Variants in ORC2 observed in about 807,000 individuals in gnomAD.
ORC2 encodes origin recognition complex protein 2 homolog.
ORC2 carries 37 observed loss-of-function variants against 77.7 expected under a neutral mutation model. The observed-to-expected ratio is 0.48, with a 90% confidence interval of 0.37 to 0.63. ORC2 has a LOEUF of 0.63. Ranked by LOEUF, ORC2 falls within the 20% of genes least tolerant of loss-of-function variation. The probability of loss-of-function intolerance (pLI) is 0.00; values close to 1 mark genes in which losing one functional copy is unlikely to be tolerated. For missense variants in ORC2, 557 were observed against 661.9 expected (o/e 0.84, Z 1.74); for synonymous variants, 201 against 229.5 (o/e 0.88, Z 1.12).
At chr2:200,950,577 C>T (rs555454133) in intron 4 of ORC2, among the ~76,000 whole-genome samples, 6 of 152,134 alleles carry the variant, frequency 3.9e-5, no homozygotes, top group African/African-American at 9.6e-5. Context: ...ATGCCAGAGA[C>T]GACATGATGT....
At chr2:200,963,077 C>G (rs1314168801) in intron 1 of ORC2, 1 of 171,802 alleles carries the variant, frequency 5.8e-6, no homozygotes, top group Non-Finnish European at 1.2e-5. Flanking sequence ...ACTGTCGTTA[C>G]ACATCTTCAC....
intron 6 of ORC2, 145 bp from the exon 7 acceptor site, chr2:200,941,424 T>C: frequency 1.7e-6 from 1 of 587,686 alleles, no homozygotes; most frequent in Non-Finnish European, 3.0e-6. Context: ...GGAAGATTGC[T>C]TGAGGCCAGG....
intron 10 of ORC2, among the ~76,000 whole-genome samples, chr2:200,932,443 G>A (rs903538486): frequency 1.3e-5 from 2 of 149,652 alleles, no homozygotes; most frequent in Non-Finnish European, 3.0e-5. Flanking sequence ...AGGTTCAAGC[G>A]ATTCTCCTGC....
chr2:200,960,432 A>G (rs2041552094), intron 1 of ORC2, among the ~76,000 whole-genome samples: 1 of 152,174 alleles, frequency 6.6e-6, no homozygotes, highest in East Asian at 1.9e-4. Flanking sequence ...CTCTTGGGCC[A>G]TTTTTCTAGT....
intron 15 of ORC2, among the ~76,000 whole-genome samples, chr2:200,914,874 C>G (rs1017995519): frequency 2.0e-5 from 3 of 152,108 alleles, no homozygotes; most frequent in Non-Finnish European, 4.4e-5. Flanking sequence ...GTGTTGAGAT[C>G]ATACTGGGTA....
Position 200,913,359 on chromosome 2 carries a change from C to G in ORC2, c.1583G>C (p.Ser528Thr). The change falls in exon 17 of 18, where the codon AGT (serine) becomes ACT (threonine). Residue 528 changes from serine (S) to threonine (T), a missense_variant. Ser to Thr is a moderately conservative substitution (Grantham distance 58, BLOSUM62 1). Transcript: ENST00000234296. ...QQCREAFLVN[S>T]DLTLRAQLTE... is the part of the protein sequence containing the mutation. ...TAACTGGGCCCGGAGTGTCAGATCA[C>G]TATTGACGAGGAATGCCTCCCGACA... 1 of 1,601,280 alleles carries G rather than the reference C, an allele frequency of 6.2e-7. No individual in the cohort carries two copies. The highest frequency in any genetic ancestry group is 1.1e-5 in the South Asian group (1 of 90,952).
Position 200,919,895 on chromosome 2 carries a change from A to G in ORC2, c.1466+327T>C, listed in dbSNP as rs572311518. ...ATAAAGTACTCACTGTTTGGATCAG[A>G]ATGTTCAATATGTAATGAAAAATAA... is the stretch of plus-strand genomic sequence containing the variant. On this transcript the variant is annotated intron_variant, in intron 15 of 17. Coordinates refer to ENST00000234296, the MANE Select transcript of ORC2 (RefSeq NM_006190.5). 1.8e-4 allele frequency among the ~76,000 whole-genome samples: 28 copies of G among 152,354 alleles called. No homozygotes were observed. In the South Asian group the frequency reaches 5.4e-3, roughly 29 times the overall value.
rs1250679185 is a variant in ORC2 at position 200,909,254 on chromosome 2, TAAG to T, written c.*2044_*2046del. On this transcript the variant is annotated 3_prime_UTR_variant, in exon 18 of 18. Transcript: ENST00000234296. ...CATAGACGATATCTGGAAGAATACT[TAAG>T]AAAATGCTATCAGTGGTTGCCTAAA... is the stretch of plus-strand genomic sequence containing the variant. 4 of 152,168 alleles carry T rather than the reference TAAG, an allele frequency of 2.6e-5. No homozygotes were observed. Among genetic ancestry groups the T allele is most frequent in the Admixed American group, 2.0e-4 (3 of 15,274 alleles). 9.4% of individuals were successfully genotyped at this position (152,168 alleles called of 1,614,324 possible). A position where few individuals can be genotyped will look rare whatever the true frequency, so the allele number is the denominator to read the frequency against.
chr2:200,949,342 C>A (rs1315967815), intron 5 of ORC2, among the ~76,000 whole-genome samples: 2 of 150,944 alleles, frequency 1.3e-5, no homozygotes, highest in Non-Finnish European at 3.0e-5. Context: ...TAGCTGAAAA[C>A]AGAAGACATC....
At chr2:200,952,550 C>T (rs960528633) in intron 4 of ORC2, among the ~76,000 whole-genome samples, 7 of 151,984 alleles carry the variant, frequency 4.6e-5, no homozygotes, top group African/African-American at 1.7e-4. Context: ...CATGAGCCAC[C>T]GCGCCCGGCC....
At chr2:200,922,062 T>C (rs1349718488) in intron 13 of ORC2, among the ~76,000 whole-genome samples, 2 of 146,048 alleles carry the variant, frequency 1.4e-5, no homozygotes, top group Non-Finnish European at 3.0e-5. Context: ...AAAGGATTTC[T>C]CAGAAAGCAT....
chr2:200,957,386 C>A lies in ORC2; in HGVS notation c.238+15G>T. 6.5e-7 allele frequency: 1 copy of A among 1,545,812 alleles called. No individual in the cohort carries two copies. Among genetic ancestry groups the A allele is most frequent in the Non-Finnish European group, 8.7e-7 (1 of 1,147,114 alleles). On this transcript the variant is annotated intron_variant, in intron 4 of 17. Coordinates refer to ENST00000234296, the MANE Select transcript of ORC2 (RefSeq NM_006190.5). ...TACTAGCAGAAACGAGTGTATATTTCACCCCCTCAAATACCTTGAACATCT... is the reference window on the plus strand; with the variant it reads ...TACTAGCAGAAACGAGTGTATATTTAACCCCCTCAAATACCTTGAACATCT...
At chr2:200,912,587 CTTT>C (rs1000370041) in intron 17 of ORC2, among the ~76,000 whole-genome samples, 1 of 145,598 alleles carries the variant, frequency 6.9e-6, no homozygotes, top group African/African-American at 2.5e-5. Context: ...ACAACCAGCT[CTTT>C]TTTTTTTTTC....
chr2:200,912,761 A>G (rs896300833), intron 17 of ORC2, among the ~76,000 whole-genome samples: 1 of 152,100 alleles, frequency 6.6e-6, no homozygotes, highest in Admixed American at 6.6e-5. Context: ...GTCTCTTCTG[A>G]TATCTATCCA....
chr2:200,958,693 C>T (rs938310199), intron 2 of ORC2, among the ~76,000 whole-genome samples: 1 of 152,168 alleles, frequency 6.6e-6, no homozygotes, highest in Non-Finnish European at 1.5e-5. Context: ...ATGAATATGG[C>T]TTTCTAGATA....
chr2:200,941,727 C>T (rs2041155532), intron 6 of ORC2, among the ~76,000 whole-genome samples: 1 of 152,044 alleles, frequency 6.6e-6, no homozygotes, highest in African/African-American at 2.4e-5. Flanking sequence ...TGGCTCACGC[C>T]CGTAATCCCA....
chr2:200,925,407 A>C (rs995201542), intron 13 of ORC2, among the ~76,000 whole-genome samples: 1 of 152,208 alleles, frequency 6.6e-6, no homozygotes, highest in Admixed American at 6.5e-5. Context: ...GAAAAAGGAC[A>C]AACTTTTTTA....
chr2:200,953,853 G>C (rs1273765463), intron 4 of ORC2, among the ~76,000 whole-genome samples: 2 of 152,076 alleles, frequency 1.3e-5, no homozygotes, highest in African/African-American at 4.8e-5. Flanking sequence ...TTCTTGCTCT[G>C]TCACCCATGC....
intron 5 of ORC2, among the ~76,000 whole-genome samples, chr2:200,948,558 GTTTT>G (rs1445305007): frequency 2.6e-5 from 4 of 151,698 alleles, no homozygotes; most frequent in East Asian, 3.9e-4. Flanking sequence ...AAAACTCTGG[GTTTT>G]TTTGTTTGTT....
Sources: gnomAD v4.1 joint callset for allele counts (sites outside exome capture counted in the v4.1 genomes callset) on GRCh38, gnomAD v4.1.1 for gene constraint, MANE v1.5 for transcripts, NCBI Gene and HGNC (gene_info 2026-07-23, HGNC 2026-07-21) for gene names.